Variants in CORIN observed in about 807,000 individuals in gnomAD.
CORIN encodes the protein corin, serine peptidase.
A neutral mutation model predicts 125.3 loss-of-function variants in CORIN; 117 were observed. The ratio of observed to expected loss-of-function variants is 0.93; its 90% CI spans 0.80 to 1.09. CORIN has a LOEUF of 1.09. CORIN is among the 50% of genes least tolerant of loss of function. The pLI, the probability that CORIN is intolerant of heterozygous loss-of-function variation, is 0.00. For missense variants in CORIN, 1,253 were observed against 1,306.7 expected (o/e 0.96, Z 0.63); for synonymous variants, 450 against 466.4 (o/e 0.96, Z 0.45).
chr4:47,727,995 T>C (rs1727677331), intron 5 of CORIN, among the ~76,000 whole-genome samples: 1 of 152,108 alleles, frequency 6.6e-6, no homozygotes, highest in Admixed American at 6.5e-5. Flanking sequence ...GATAAGAGCT[T>C]AACTTTTTGT....
chr4:47,791,972 T>A (rs1292773330), intron 2 of CORIN, among the ~76,000 whole-genome samples: 3 of 152,074 alleles, frequency 2.0e-5, no homozygotes, highest in African/African-American at 4.8e-5. Flanking sequence ...GCTTTGAGAA[T>A]GATATGCCTA....
chr4:47,825,708 T>G lies in CORIN; in HGVS notation c.63+12179A>C, dbSNP rs572569658. On this transcript the variant is annotated intron_variant, in intron 1 of 21. Transcript: ENST00000273857. ...TTTTCAAACCACTGCTTTTTTTTTT[T>G]TTTTTTTTTTTAGATGGAGTCTCAC... Among the ~76,000 whole-genome samples the G allele has an allele frequency of 3.1e-4, 46 of 147,352 alleles. No homozygotes were observed. The East Asian group carries it at 4.0e-3, about 13-fold the overall frequency.
At chr4:47,629,428 A>AT (rs1361104492) in intron 16 of CORIN, among the ~76,000 whole-genome samples, 2 of 152,132 alleles carry the variant, frequency 1.3e-5, no homozygotes, top group Non-Finnish European at 1.5e-5. Flanking sequence ...TTCCTTATGT[A>AT]TTTTGGATAC....
intron 1 of CORIN, among the ~76,000 whole-genome samples, chr4:47,832,998 C>T (rs577128550): frequency 1.1e-4 from 16 of 152,184 alleles, no homozygotes; most frequent in Non-Finnish European, 2.2e-4. Flanking sequence ...TCACATGGCT[C>T]TAGAGTCACA....
intron 5 of CORIN, among the ~76,000 whole-genome samples, chr4:47,733,303 CATAT>C (rs1727971205): frequency 6.6e-6 from 1 of 152,188 alleles, no homozygotes; most frequent in African/African-American, 2.4e-5. Context: ...GCAAAATATC[CATAT>C]AAGTACCTCA....
At chr4:47,702,068 G>A (rs1726319187) in intron 5 of CORIN, among the ~76,000 whole-genome samples, 1 of 152,036 alleles carries the variant, frequency 6.6e-6, no homozygotes, top group African/African-American at 2.4e-5. Context: ...AGGTTTCTTG[G>A]GAGGTGCTAC....
intron 10 of CORIN, among the ~76,000 whole-genome samples, chr4:47,673,377 G>GAA (rs749154440): frequency 3.7e-4 from 43 of 115,128 alleles, no homozygotes; most frequent in African/African-American, 1.1e-3. Context: ...CTCTGTCTCA[G>GAA]AAAAAAAAAA....
chr4:47,642,153 T>C, intron 15 of CORIN, 104 bp from the exon 16 acceptor site: 1 of 1,213,826 alleles, frequency 8.2e-7, no homozygotes, highest in East Asian at 2.7e-5. Flanking sequence ...TTCATTTTCA[T>C]TTATTTTAGT....
intron 5 of CORIN, among the ~76,000 whole-genome samples, chr4:47,694,424 TCTC>T (rs1315240038): frequency 2.0e-5 from 3 of 151,988 alleles, no homozygotes; most frequent in South Asian, 4.2e-4. Flanking sequence ...CCTTCAAAAA[TCTC>T]CTTCTGTCTC....
At chr4:47,734,943 A>G (rs1728056459) in intron 5 of CORIN, among the ~76,000 whole-genome samples, 1 of 152,242 alleles carries the variant, frequency 6.6e-6, no homozygotes, top group South Asian at 2.1e-4. Context: ...CGTTAAACAG[A>G]TACAGATTAA....
At chr4:47,618,341 A>AAAAAAGG (rs1553904535) in intron 19 of CORIN, among the ~76,000 whole-genome samples, 2 of 143,740 alleles carry the variant, frequency 1.4e-5, no homozygotes, top group African/African-American at 5.1e-5. Flanking sequence ...TCAAAAAAAA[A>AAAAAAGG]AAAGGAAAGG....
chr4:47,642,840 T>C (rs1723289940), intron 15 of CORIN: 43 of 1,450,530 alleles, frequency 3.0e-5, no homozygotes, highest in Non-Finnish European at 3.5e-5. Context: ...TATCATTAAA[T>C]TTATTGAAGT....
intron 19 of CORIN, among the ~76,000 whole-genome samples, chr4:47,623,117 T>TATATATATAGATATATACACAC (rs141525347): frequency 7.4e-6 from 1 of 134,522 alleles, no homozygotes; most frequent in African/African-American, 3.1e-5. Flanking sequence ...TATATATATA[T>TATATATATAGATATATACACAC]ACACACACAC....
At chr4:47,605,140 A>T (rs1442712134) in intron 19 of CORIN, among the ~76,000 whole-genome samples, 1 of 152,154 alleles carries the variant, frequency 6.6e-6, no homozygotes, top group Admixed American at 6.5e-5. Flanking sequence ...TTCCCCAGCC[A>T]ACCTGTCTCA....
At chr4:47,737,622 A>G (rs1167872278) in intron 5 of CORIN, among the ~76,000 whole-genome samples, 4 of 152,184 alleles carry the variant, frequency 2.6e-5, no homozygotes, top group South Asian at 2.1e-4. Context: ...CTTCTGCCCA[A>G]TTCTGCTTTC....
chr4:47,741,598 T>A (rs1471359927), intron 5 of CORIN, among the ~76,000 whole-genome samples: 7 of 152,010 alleles, frequency 4.6e-5, no homozygotes, highest in Admixed American at 4.6e-4. Context: ...CAAAATCTTA[T>A]ACGCAAATAT....
In CORIN at chr4:47,811,547, AC is replaced by A. The variant is rs570525807; in HGVS notation, c.64-4501del. On this transcript the variant is annotated intron_variant, in intron 1 of 21. Transcript: ENST00000273857. ...TTTGGAGGTTCTAGCTGGGGGGTGC[AC>A]CTACTTGAATACCCCTGACCAAAGG... Among the ~76,000 whole-genome samples the A allele has an allele frequency of 2.0e-4, 31 of 152,268 alleles. No homozygotes were observed. In the South Asian group the frequency reaches 5.6e-3, roughly 28 times the overall value.
At chr4:47,746,818 G>A (rs1728687364) in intron 4 of CORIN, among the ~76,000 whole-genome samples, 1 of 152,126 alleles carries the variant, frequency 6.6e-6, no homozygotes, top group Non-Finnish European at 1.5e-5. Flanking sequence ...ACAGGCCTGA[G>A]CCACCGCACC....
At chr4:47,780,319 C>T (rs183050721) in intron 3 of CORIN, among the ~76,000 whole-genome samples, 92 of 151,720 alleles carry the variant, frequency 6.1e-4, no homozygotes, top group South Asian at 1.9e-3. Flanking sequence ...TCTTCTTAGG[C>T]AGAGGAAAGG....
Sources: allele counts gnomAD v4.1 joint callset (sites outside exome capture counted in the v4.1 genomes callset), GRCh38; gene constraint gnomAD v4.1.1; transcripts MANE v1.5; gene names NCBI Gene and HGNC (gene_info 2026-07-23, HGNC 2026-07-21).